SHANK2: variants seen among roughly 807,000 people sequenced by gnomAD.
The protein encoded by SHANK2 is SH3 and multiple ankyrin repeat domains 2.
Under a neutral mutation model 133.7 loss-of-function variants are expected in SHANK2, and 43 were observed. The observed-to-expected ratio is 0.32, with a 90% CI of 0.25 to 0.41. The LOEUF is 0.41. SHANK2 is among the 10% of genes least tolerant of loss of function. SHANK2 has a pLI of 1.00. For synonymous variants in SHANK2, 1,017 were observed against 952.8 expected (o/e 1.07, Z -1.24); for missense variants, 1,994 against 2,235.8 (o/e 0.89, Z 2.18).
intron 2 of SHANK2, among the ~76,000 whole-genome samples, chr11:71,221,080 AG>A (rs1367266598): frequency 6.6e-6 from 1 of 152,010 alleles, no homozygotes; most frequent in Non-Finnish European, 1.5e-5. Flanking sequence ...AGGCGCCTGT[AG>A]TCCCAGCTAC....
At chr11:70,819,714 C>A (rs782295706) in intron 12 of SHANK2, among the ~76,000 whole-genome samples, 6 of 152,138 alleles carry the variant, frequency 3.9e-5, no homozygotes, top group Non-Finnish European at 8.8e-5. Context: ...GCTCCTGTCA[C>A]CTGGGGCTGC....
intron 14 of SHANK2, among the ~76,000 whole-genome samples, chr11:70,792,594 T>A (rs1947819560): frequency 6.6e-6 from 1 of 152,238 alleles, no homozygotes. Context: ...TTAATGTTCA[T>A]GAATGGAGTT....
chr11:70,523,134 G>A (rs940119497), intron 17 of SHANK2, among the ~76,000 whole-genome samples: 4 of 152,204 alleles, frequency 2.6e-5, no homozygotes, highest in African/African-American at 7.2e-5. Context: ...CAAAGCACGC[G>A]GGTGGCACAG....
intron 17 of SHANK2, among the ~76,000 whole-genome samples, chr11:70,624,168 G>A (rs1475701409): frequency 3.9e-5 from 6 of 152,112 alleles, no homozygotes; most frequent in African/African-American, 1.4e-4. Context: ...CTGAGGCCGG[G>A]GGAGTGTGCA....
At chr11:71,066,078 T>G (rs1199251277) in intron 9 of SHANK2, among the ~76,000 whole-genome samples, 3 of 91,008 alleles carry the variant, frequency 3.3e-5, no homozygotes, top group Admixed American at 1.5e-4. Context: ...GAGCAGTGAG[T>G]GGGGAAGTTG....
intron 17 of SHANK2, among the ~76,000 whole-genome samples, chr11:70,622,318 C>T (rs1023779376): frequency 6.6e-6 from 1 of 152,146 alleles, no homozygotes; most frequent in Non-Finnish European, 1.5e-5. Context: ...TCATGTCAAC[C>T]CCCGCCCCCA....
chr11:70,573,626 T>C (rs530310709), intron 17 of SHANK2, among the ~76,000 whole-genome samples: 52 of 151,958 alleles, frequency 3.4e-4, no homozygotes, highest in African/African-American at 1.1e-3. Flanking sequence ...ATGACCCCAG[T>C]GGCCCCTCCT....
At chr11:70,622,170 C>A (rs2060837761) in intron 17 of SHANK2, among the ~76,000 whole-genome samples, 1 of 152,144 alleles carries the variant, frequency 6.6e-6, no homozygotes, top group African/African-American at 2.4e-5. Flanking sequence ...ACCATCCAAA[C>A]CCAGCAGGAT....
At chr11:70,621,903 C>T (rs1209595806) in intron 17 of SHANK2, among the ~76,000 whole-genome samples, 2 of 152,142 alleles carry the variant, frequency 1.3e-5, no homozygotes, top group Non-Finnish European at 2.9e-5. Flanking sequence ...AGCCTGCACA[C>T]CCCCAGGCCT....
chr11:70,945,666 T>G (rs1469015102), intron 10 of SHANK2, among the ~76,000 whole-genome samples: 1 of 152,180 alleles, frequency 6.6e-6, no homozygotes, highest in Non-Finnish European at 1.5e-5. Context: ...CATCAGGGCA[T>G]GTGGGCAGGG....
chr11:71,115,154 A>G (rs1279631714), intron 4 of SHANK2, among the ~76,000 whole-genome samples: 1 of 152,162 alleles, frequency 6.6e-6, no homozygotes, highest in Non-Finnish European at 1.5e-5. Flanking sequence ...CATGCAAAGG[A>G]GATTAATAAA....
chr11:70,722,119 C>T (rs142742052), intron 14 of SHANK2, among the ~76,000 whole-genome samples: 47 of 152,378 alleles, frequency 3.1e-4, no homozygotes, highest in Admixed American at 8.5e-4. Flanking sequence ...TCTGTCCTCA[C>T]TGTCACTGCT....
intron 14 of SHANK2, among the ~76,000 whole-genome samples, chr11:70,741,005 C>T (rs1312515053): frequency 2.0e-5 from 3 of 152,190 alleles, no homozygotes; most frequent in Non-Finnish European, 4.4e-5. Flanking sequence ...TTTGTGTTAT[C>T]TCTTGCTTAA....
At chr11:70,726,109 GA>G (rs2134692174) in intron 14 of SHANK2, among the ~76,000 whole-genome samples, 1 of 152,294 alleles carries the variant, frequency 6.6e-6, no homozygotes, top group African/African-American at 2.4e-5. Flanking sequence ...TAAGTGCATT[GA>G]GGACTTTTAC....
chr11:70,813,064 T>C (rs1193155309), intron 12 of SHANK2, among the ~76,000 whole-genome samples: 21 of 152,280 alleles, frequency 1.4e-4, no homozygotes, highest in Non-Finnish European at 1.5e-5. Flanking sequence ...GCGGGTGGGC[T>C]GTGAGCCCAT....
chr11:70,757,611 G>A (rs2134952721), intron 14 of SHANK2, among the ~76,000 whole-genome samples: 1 of 152,364 alleles, frequency 6.6e-6, no homozygotes, highest in African/African-American at 2.4e-5. Flanking sequence ...TTTCACACAT[G>A]TGGCTGCATT....
At chr11:70,705,346 T>C (rs1945638572) in intron 14 of SHANK2, 1 of 152,122 alleles carries the variant, frequency 6.6e-6, no homozygotes, top group South Asian at 2.1e-4. Flanking sequence ...CTTAGTCCTG[T>C]GGGCCAGTAC....
intron 21 of SHANK2, among the ~76,000 whole-genome samples, chr11:70,493,627 C>T (rs78256023): frequency 0.015 from 2,324 of 152,154 alleles, 51 homozygotes; most frequent in African/African-American, 0.053. Flanking sequence ...GTCTTCCAGT[C>T]GCGATGTGCA....
chr11:70,727,525 G>T (rs941371107), intron 14 of SHANK2, among the ~76,000 whole-genome samples: 5 of 152,144 alleles, frequency 3.3e-5, no homozygotes, highest in Non-Finnish European at 5.9e-5. Flanking sequence ...CTAGGAGCTG[G>T]CATCCCAGGC....
Sources: allele counts gnomAD v4.1 joint callset (sites outside exome capture counted in the v4.1 genomes callset), GRCh38; gene constraint gnomAD v4.1.1; transcripts MANE v1.5; gene names NCBI Gene and HGNC (gene_info 2026-07-23, HGNC 2026-07-21).